Variants in CYP2C18 observed in about 807,000 individuals in gnomAD.
CYP2C18 encodes cytochrome P450 family 2 subfamily C member 18.
In CYP2C18, 38 loss-of-function variants were observed where a neutral mutation model predicts 41.3. The observed-to-expected ratio is 0.92, with a 90% CI of 0.71 to 1.21. CYP2C18 has a LOEUF of 1.21. Among genes scored for constraint, CYP2C18 ranks in the 50% most tolerant of loss-of-function variants. The pLI is 0.00. For missense variants in CYP2C18, 635 were observed against 591.4 expected, an observed-to-expected ratio of 1.07 and a Z score of -0.77; for synonymous variants, 236 against 210.0, an observed-to-expected ratio of 1.12 and a Z score of -1.07.
intron 6 of CYP2C18, among the ~76,000 whole-genome samples, 177 bp downstream of exon 6, chr10:94,720,714 G>A (rs1478323557): frequency 6.6e-6 from 1 of 152,152 alleles, no homozygotes; most frequent in African/African-American, 2.4e-5. Flanking sequence ...TTGCACAATA[G>A]GGAAGAGGGA....
At chr10:94,710,740 A>G (rs1389944855) in intron 5 of CYP2C18, among the ~76,000 whole-genome samples, 1 of 152,152 alleles carries the variant, frequency 6.6e-6, no homozygotes, top group Non-Finnish European at 1.5e-5. Flanking sequence ...GATGTTACCA[A>G]TGGGCATGAT....
intron 3 of CYP2C18, among the ~76,000 whole-genome samples, chr10:94,692,902 TGA>T (rs1847034244): frequency 6.6e-6 from 1 of 152,046 alleles, no homozygotes; most frequent in Non-Finnish European, 1.5e-5. Flanking sequence ...ACCATCATTC[TGA>T]GCAAACTATC....
intron 3 of CYP2C18, among the ~76,000 whole-genome samples, chr10:94,693,740 C>T (rs1247756070): frequency 1.3e-5 from 2 of 152,300 alleles, no homozygotes; most frequent in East Asian, 3.9e-4. Context: ...TAAACAGGGT[C>T]CCATTATTTA....
intron 5 of CYP2C18, among the ~76,000 whole-genome samples, chr10:94,715,259 G>A (rs1194707541): frequency 6.6e-6 from 1 of 152,180 alleles, no homozygotes; most frequent in African/African-American, 2.4e-5. Flanking sequence ...TCTTGTGCCA[G>A]TTTTCAAAGG....
At chr10:94,706,586 T>G (rs571490035) in intron 4 of CYP2C18, among the ~76,000 whole-genome samples, 198 bp from the exon 5 acceptor site, 8 of 152,302 alleles carry the variant, frequency 5.3e-5, no homozygotes, top group African/African-American at 1.4e-4. Flanking sequence ...AATTATCATC[T>G]TTGATCCCTT....
intron 5 of CYP2C18, among the ~76,000 whole-genome samples, chr10:94,707,594 A>G (rs1847366325): frequency 6.6e-6 from 1 of 152,170 alleles, no homozygotes; most frequent in African/African-American, 2.4e-5. Context: ...GCGTATAATT[A>G]TTAGAGAAAA....
At chr10:94,684,276 C>A (rs1046134868) in intron 1 of CYP2C18, among the ~76,000 whole-genome samples, 2 of 151,926 alleles carry the variant, frequency 1.3e-5, no homozygotes, top group African/African-American at 4.8e-5. Context: ...CCTTGCTGTC[C>A]AATAGAACAC....
At chr10:94,715,160 A>C (rs1847516521) in intron 5 of CYP2C18, among the ~76,000 whole-genome samples, 1 of 152,186 alleles carries the variant, frequency 6.6e-6, no homozygotes, top group Non-Finnish European at 1.5e-5. Context: ...TCCTAATTGA[A>C]TACCCTTTAT....
intron 3 of CYP2C18, among the ~76,000 whole-genome samples, chr10:94,690,589 G>A (rs191745224): frequency 9.3e-4 from 141 of 152,176 alleles, no homozygotes; most frequent in African/African-American, 2.7e-3. Context: ...ATTCACAGCC[G>A]AATTCTATCA....
chr10:94,708,508 A>G (rs149373147), intron 5 of CYP2C18, among the ~76,000 whole-genome samples: 523 of 152,304 alleles, frequency 3.4e-3, no homozygotes, highest in Middle Eastern at 6.8e-3. Context: ...CCTCATTACT[A>G]TATTTAAAAA....
At chr10:94,708,075 A>G (rs2134191932) in intron 5 of CYP2C18, among the ~76,000 whole-genome samples, 1 of 152,342 alleles carries the variant, frequency 6.6e-6, no homozygotes, top group Admixed American at 6.5e-5. Context: ...ATTTTATTCA[A>G]CCGCTTTACA....
At chr10:94,698,431 A>G (rs1277648456) in intron 4 of CYP2C18, among the ~76,000 whole-genome samples, 5 of 152,236 alleles carry the variant, frequency 3.3e-5, no homozygotes, top group Non-Finnish European at 7.3e-5. Flanking sequence ...TTTGAAACCA[A>G]TGAGAACAAA....
chr10:94,714,370 G>A (rs1337362274), intron 5 of CYP2C18, among the ~76,000 whole-genome samples: 1 of 152,130 alleles, frequency 6.6e-6, no homozygotes, highest in Non-Finnish European at 1.5e-5. Context: ...TGTAAGGAAG[G>A]GATCCAGTTT....
At chr10:94,703,102 T>C (rs1015060595) in intron 4 of CYP2C18, among the ~76,000 whole-genome samples, 3 of 152,214 alleles carry the variant, frequency 2.0e-5, no homozygotes, top group African/African-American at 7.2e-5. Flanking sequence ...CTCCTTCCTC[T>C]GGAAGCTTCA....
chr10:94,704,661 C>T (rs1050158287), intron 4 of CYP2C18, among the ~76,000 whole-genome samples: 6 of 152,116 alleles, frequency 3.9e-5, no homozygotes, highest in Non-Finnish European at 8.8e-5. Context: ...TGGATATCAG[C>T]CAGAGGTGAA....
intron 7 of CYP2C18, among the ~76,000 whole-genome samples, chr10:94,725,085 A>C (rs990572312): frequency 6.8e-6 from 1 of 147,990 alleles, no homozygotes; most frequent in African/African-American, 2.4e-5. Flanking sequence ...AATATAAAAT[A>C]TATATAATAT....
chr10:94,717,515 T>C (rs1280695077), intron 5 of CYP2C18, among the ~76,000 whole-genome samples: 1 of 152,208 alleles, frequency 6.6e-6, no homozygotes, highest in Non-Finnish European at 1.5e-5. Flanking sequence ...CGGCCCCCAC[T>C]CTCTTCTGGC....
intron 5 of CYP2C18, among the ~76,000 whole-genome samples, chr10:94,712,135 A>T (rs1279600100): frequency 6.8e-6 from 1 of 146,560 alleles, no homozygotes; most frequent in Non-Finnish European, 1.5e-5. Flanking sequence ...GGCATGAGCC[A>T]CCTCACCTGG....
intron 3 of CYP2C18, among the ~76,000 whole-genome samples, chr10:94,691,915 C>A (rs934824105): frequency 1.3e-5 from 2 of 152,142 alleles, no homozygotes; most frequent in Non-Finnish European, 2.9e-5. Flanking sequence ...CAAAAACAAG[C>A]AATGGGGAAA....
Sources: allele counts gnomAD v4.1 joint callset (sites outside exome capture counted in the v4.1 genomes callset), GRCh38; gene constraint gnomAD v4.1.1; transcripts MANE v1.5; gene names NCBI Gene and HGNC (gene_info 2026-07-23, HGNC 2026-07-21).